The following QPCT variants were observed in gnomAD, a reference collection of about 807,000 sequenced individuals.
QPCT encodes the protein EC.
A neutral mutation model predicts 43.4 loss-of-function variants in QPCT; 44 were observed. The observed-to-expected ratio is 1.01, with a 90% CI of 0.80 to 1.30. The LOEUF is 1.30. Ranked by LOEUF, QPCT falls within the 50% of genes most tolerant of loss-of-function variation. The pLI, the probability that QPCT is intolerant of heterozygous loss-of-function variation, is 0.00. For synonymous variants in QPCT, 168 were observed against 168.4 expected (o/e 1.00, Z 0.02); for missense variants, 526 against 436.5 (o/e 1.21, Z -1.83).
intron 3 of QPCT, among the ~76,000 whole-genome samples, chr2:37,360,266 A>G (rs893305028): frequency 1.3e-5 from 2 of 152,146 alleles, no homozygotes; most frequent in Non-Finnish European, 2.9e-5. Context: ...GGGTTGGAGG[A>G]GGGAGTTGCA....
intron 3 of QPCT, among the ~76,000 whole-genome samples, chr2:37,360,400 T>A (rs530849028): frequency 6.6e-6 from 1 of 152,348 alleles, no homozygotes; most frequent in South Asian, 2.1e-4. Context: ...ATAGCAGAGC[T>A]TTTGTTATGC....
rs148879816 is a variant in QPCT at position 37,370,737 on chromosome 2, C to T, written c.823+953C>T. Among the ~76,000 whole-genome samples, 684 of 152,162 alleles carry T rather than the reference C, an allele frequency of 4.5e-3. 4 individuals carry two copies. Among genetic ancestry groups the T allele is most frequent in the South Asian group, 0.014 (69 of 4,826 alleles). On this transcript the variant is annotated intron_variant, in intron 5 of 6. Coordinates refer to ENST00000338415, the MANE Select transcript of QPCT (RefSeq NM_012413.4). ...AGGTCAGGCCAGCCCAAGAAACATA[C>T]GTATCTATGGCTGAAGAGGGGAGCT...
At chr2:37,347,168 T>TATCTC (rs1558599330) in intron 1 of QPCT, among the ~76,000 whole-genome samples, 14 of 52,832 alleles carry the variant, frequency 2.6e-4, no homozygotes, top group African/African-American at 1.1e-3. Flanking sequence ...ATATATAACA[T>TATCTC]ATATATATAT....
chr2:37,344,955 GC>G (rs1475364522), intron 1 of QPCT, 104 bp downstream of exon 1: 93 of 1,431,360 alleles, frequency 6.5e-5, no homozygotes, highest in Non-Finnish European at 8.3e-5. Context: ...GCGGGGCAGG[GC>G]CACGGTCCCC....
chr2:37,359,615 C>G lies in QPCT; in HGVS notation c.303C>G (p.Asp101Glu). ...IMQRIQRLQA[D>E]WVLEIDTFLS... ...AGCGAATTCAGAGGCTTCAGGCTGA[C>G]TGGGTCTTGGAAATAGACACCTTCT... Residue 101 changes from aspartate (D) to glutamate (E), a missense_variant, in exon 3 of 7, where the codon GAC (aspartate) becomes GAG (glutamate). Transcript: ENST00000338415. 1 of 1,614,148 alleles carries G rather than the reference C, an allele frequency of 6.2e-7. No individual in the cohort carries two copies.
chr2:37,368,473 C>A, intron 4 of QPCT: 1 of 409,082 alleles, frequency 2.4e-6, no homozygotes, highest in Non-Finnish European at 5.1e-6. Flanking sequence ...CTCACCCCAT[C>A]TGTGAACTGA....
chr2:37,369,613 T>C (rs948343971), intron 4 of QPCT, 72 bp from the exon 5 acceptor site: 5 of 1,135,042 alleles, frequency 4.4e-6, no homozygotes, highest in African/African-American at 3.1e-5. Context: ...TTTTGACTGA[T>C]TGTATTTCCC....
intron 1 of QPCT, among the ~76,000 whole-genome samples, chr2:37,347,538 G>A (rs1177778625): frequency 6.6e-6 from 1 of 151,952 alleles, no homozygotes; most frequent in African/African-American, 2.4e-5. Flanking sequence ...CTGGGTCAGG[G>A]TGGACCCTAA....
rs1672657120 is a variant in QPCT at position 37,353,071 on chromosome 2, A to G, written c.267+136A>G. 1.4e-5 allele frequency: 15 copies of G among 1,049,026 alleles called. No homozygotes were observed. The South Asian group carries it at 2.7e-4, about 19-fold the overall frequency. The allele number at this position is 1,049,026 out of a possible 1,614,324, so 65.0% of individuals were successfully genotyped here. On this transcript the variant is annotated intron_variant, in intron 2 of 6. Coordinates refer to ENST00000338415, the MANE Select transcript of QPCT (RefSeq NM_012413.4). ...CTCATTCACCAAATAGTCAACCAAGAAAAATCAAATGACTGAGAGTACATG... is the reference window on the plus strand; with the variant it reads ...CTCATTCACCAAATAGTCAACCAAGGAAAATCAAATGACTGAGAGTACATG...
At chr2:37,359,088 G>A (rs115708061) in intron 2 of QPCT, among the ~76,000 whole-genome samples, 1 of 152,280 alleles carries the variant, frequency 6.6e-6, no homozygotes, top group African/African-American at 2.4e-5. Flanking sequence ...TATTAAAAGT[G>A]TACGTTACTA....
Position 37,352,839 on chromosome 2 carries a change from A to C in QPCT, c.171A>C (p.Ala57=). The C allele has an allele frequency of 6.2e-7, 1 of 1,614,212 alleles. No individual in the cohort carries two copies. Among genetic ancestry groups the C allele is most frequent in the Non-Finnish European group, 8.5e-7 (1 of 1,180,018 alleles). Residue 57 remains alanine, a synonymous_variant, in exon 2 of 7, where the codon GCA becomes GCC. Transcript: ENST00000338415. The stretch of plus-strand genomic sequence containing the variant: ...ATTCATCGGCTCTTCGGCAAATTGC[A>C]GAAGGCACCAGTATCTCTGAAATGT... ...ILNSSALRQI[A]EGTSISEMWQ... is the part of the protein sequence containing the mutation.
Position 37,372,882 on chromosome 2 carries a change from C to T in QPCT, c.*55C>T. 6.8e-7 allele frequency: 1 copy of T among 1,460,692 alleles called. No individual in the cohort carries two copies. The highest frequency in any genetic ancestry group is 1.3e-5 in the South Asian group (1 of 76,730). The allele number at this position is 1,460,692 out of a possible 1,614,324, so 90.5% of individuals were successfully genotyped here. On this transcript the variant is annotated 3_prime_UTR_variant, in exon 7 of 7. Transcript: ENST00000338415. The stretch of plus-strand genomic sequence containing the variant: ...CTAGAATTGAATTCAAAAGTCAAGG[C>T]ATCATTTAAAATAATCTGATTTCAG...
intron 1 of QPCT, among the ~76,000 whole-genome samples, chr2:37,348,069 T>C (rs1334440805): frequency 3.3e-5 from 5 of 151,696 alleles, no homozygotes; most frequent in African/African-American, 1.2e-4. Context: ...CACGCGTGTG[T>C]GTGTGTGTGT....
At chr2:37,367,056 GTGTGATGACTTT>G in intron 3 of QPCT, 164 bp from the exon 4 acceptor site, 2 of 621,410 alleles carry the variant, frequency 3.2e-6, no homozygotes, top group Non-Finnish European at 5.6e-6. Flanking sequence ...ACTGTGGGAG[GTGTGATGACTTT>G]TGAAGAGGAA....
intron 2 of QPCT, among the ~76,000 whole-genome samples, chr2:37,356,843 C>T (rs535932524): frequency 6.6e-6 from 1 of 151,866 alleles, no homozygotes; most frequent in South Asian, 2.1e-4. Flanking sequence ...TTGTCTCTAC[C>T]AAAAATACAA....
intron 1 of QPCT, among the ~76,000 whole-genome samples, chr2:37,347,179 A>ATATATATATATT (rs1244639524): frequency 2.0e-5 from 1 of 50,774 alleles, no homozygotes; most frequent in African/African-American, 1.1e-4. Context: ...ATATATATAT[A>ATATATATATATT]ACATATATAT....
At chr2:37,360,168 T>C (rs1672833157) in intron 3 of QPCT, 1 of 337,554 alleles carries the variant, frequency 3.0e-6, no homozygotes, top group Non-Finnish European at 5.5e-6. Flanking sequence ...GTATGAGAAT[T>C]GTGTTTTATA....
rs143527525 is a variant in QPCT at position 37,346,068 on chromosome 2, C to T, written c.120+1217C>T. ...AGACCTTTTACACACTTAGAGTATGCCTGTATTTACTCAAATGTTTGAAAT... is the reference window on the plus strand; with the variant it reads ...AGACCTTTTACACACTTAGAGTATGTCTGTATTTACTCAAATGTTTGAAAT... On this transcript the variant is annotated intron_variant, in intron 1 of 6. Coordinates refer to ENST00000338415, the MANE Select transcript of QPCT (RefSeq NM_012413.4). Among the ~76,000 whole-genome samples, 919 of 152,232 alleles carry T rather than the reference C, an allele frequency of 6.0e-3. 7 individuals carry two copies. The highest frequency in any genetic ancestry group is 0.021 in the African/African-American group (884 of 41,516).
chr2:37,352,481 G>A (rs945584673), intron 1 of QPCT, among the ~76,000 whole-genome samples: 8 of 152,050 alleles, frequency 5.3e-5, no homozygotes, highest in African/African-American at 1.4e-4. Flanking sequence ...GCACCAATGC[G>A]TCACCACGCC....
Sources: gnomAD v4.1 joint callset for allele counts (sites outside exome capture counted in the v4.1 genomes callset) on GRCh38, gnomAD v4.1.1 for gene constraint, MANE v1.5 for transcripts, NCBI Gene and HGNC (gene_info 2026-07-23, HGNC 2026-07-21) for gene names.